FAM78B: variants seen among roughly 807,000 people sequenced by gnomAD.
FAM78B encodes family with sequence similarity 78 member B, also known as protein FAM78B.
In FAM78B, 10 loss-of-function variants were observed where a neutral mutation model predicts 20.0. The observed-to-expected ratio is 0.50, with a 90% confidence interval of 0.31 to 0.85. The LOEUF is 0.85. Among genes scored for constraint, FAM78B ranks in the 40% least tolerant of loss-of-function variants. FAM78B has a pLI of 0.05. For synonymous variants in FAM78B, 135 were observed against 132.8 expected (o/e 1.02, Z -0.12); for missense variants, 283 against 345.0 (o/e 0.82, Z 1.42).
chr1:166,074,097 A>C (rs1652163102), intron 1 of FAM78B, among the ~76,000 whole-genome samples: 1 of 152,172 alleles, frequency 6.6e-6, no homozygotes, highest in Admixed American at 6.5e-5. Context: ...CAAACATGCA[A>C]ATCTGATCAT....
chr1:166,107,356 A>G (rs56940744), intron 1 of FAM78B, among the ~76,000 whole-genome samples: 4,971 of 152,242 alleles, frequency 0.033, 248 homozygotes, highest in African/African-American at 0.11. Context: ...AAGATTATTC[A>G]GGGCTCTTAT....
rs555320874 is a variant in FAM78B, at chr1:166,134,022, C to G, written c.263+31964G>C. On this transcript the variant is annotated intron_variant, in intron 1 of 1. Coordinates refer to ENST00000354422, the MANE Select transcript of FAM78B (RefSeq NM_001017961.5). ...ACTGAGCCCAGACCTGCCTAACTCC[C>G]ACCGTATGTTCTCCCCACTACCTCC... is the stretch of plus-strand genomic sequence containing the variant. Among the ~76,000 whole-genome samples the G allele has an allele frequency of 2.6e-5, 4 of 152,318 alleles. No homozygotes were observed. The South Asian group carries it at 8.3e-4, about 32-fold the overall frequency.
intron 1 of FAM78B, 89 bp downstream of exon 1, chr1:166,165,897 A>G (rs1656355176): frequency 6.9e-7 from 1 of 1,459,704 alleles, no homozygotes; most frequent in African/African-American, 1.4e-5. Context: ...TGGGGACAGC[A>G]GTAGGAAGGA....
At chr1:166,165,891 G>C in intron 1 of FAM78B, 95 bp downstream of exon 1, 1 of 1,430,108 alleles carries the variant, frequency 7.0e-7, no homozygotes, top group Non-Finnish European at 9.7e-7. Flanking sequence ...AGACGATGGG[G>C]ACAGCAGTAG....
At chr1:166,060,745 G>A (rs1383448442) in intron 2 of FAM78B, 1 of 821,088 alleles carries the variant, frequency 1.2e-6, no homozygotes, top group East Asian at 6.6e-5. Context: ...AAAGCAGATG[G>A]TCATGATCTG....
chr1:166,123,249 T>C (rs1028056365), intron 1 of FAM78B, among the ~76,000 whole-genome samples: 1 of 152,216 alleles, frequency 6.6e-6, no homozygotes, highest in Non-Finnish European at 1.5e-5. Context: ...GGACCACCTG[T>C]AGCTGGTTCA....
intron 1 of FAM78B, among the ~76,000 whole-genome samples, chr1:166,117,845 GAC>G (rs1183207222): frequency 6.6e-6 from 1 of 152,186 alleles, no homozygotes; most frequent in East Asian, 1.9e-4. Flanking sequence ...GGTTCTAAAA[GAC>G]AGAGTCAGGA....
chr1:166,074,697 A>G (rs1652197729), intron 1 of FAM78B, among the ~76,000 whole-genome samples: 1 of 152,228 alleles, frequency 6.6e-6, no homozygotes, highest in Admixed American at 6.5e-5. Flanking sequence ...TTTAGAATCT[A>G]TTATTAGAAT....
At chr1:166,147,165 CAG>C (rs1284012937) in intron 1 of FAM78B, among the ~76,000 whole-genome samples, 1 of 152,120 alleles carries the variant, frequency 6.6e-6, no homozygotes, top group East Asian at 1.9e-4. Context: ...GCAGTGGACA[CAG>C]GGAGGGGAAA....
downstream of FAM78B, among the ~76,000 whole-genome samples, chr1:166,067,407 T>C (rs1475851822): frequency 1.3e-5 from 2 of 151,782 alleles, no homozygotes; most frequent in South Asian, 4.2e-4. Context: ...CCATGTGTTG[T>C]GTGTGTGTCT....
intron 1 of FAM78B, among the ~76,000 whole-genome samples, chr1:166,144,877 C>G (rs1047572646): frequency 1.3e-5 from 2 of 152,246 alleles, no homozygotes; most frequent in East Asian, 1.9e-4. Context: ...ACCCATCAAT[C>G]TTTCCATAAA....
intron 1 of FAM78B, among the ~76,000 whole-genome samples, chr1:166,101,183 C>A (rs1653499402): frequency 6.6e-6 from 1 of 152,114 alleles, no homozygotes; most frequent in Non-Finnish European, 1.5e-5. Context: ...ACACCAAAAC[C>A]CCATCTGTAC....
At chr1:166,141,312 T>C (rs1655268238) in intron 1 of FAM78B, among the ~76,000 whole-genome samples, 1 of 152,232 alleles carries the variant, frequency 6.6e-6, no homozygotes, top group Non-Finnish European at 1.5e-5. Context: ...GTGCCAACCC[T>C]GACCACACCA....
intron 1 of FAM78B, among the ~76,000 whole-genome samples, chr1:166,125,764 C>T (rs941356257): frequency 3.3e-5 from 5 of 151,932 alleles, no homozygotes; most frequent in Admixed American, 6.6e-5. Context: ...ACGATGTAAA[C>T]GCTATGTAAA....
intron 1 of FAM78B, among the ~76,000 whole-genome samples, chr1:166,138,405 C>T (rs1057111675): frequency 1.3e-5 from 2 of 152,208 alleles, no homozygotes; most frequent in East Asian, 1.9e-4. Context: ...CCCAGACCCC[C>T]ACCACAATGC....
intron 1 of FAM78B, among the ~76,000 whole-genome samples, chr1:166,148,673 C>T (rs10494454): frequency 0.023 from 3,571 of 152,240 alleles, 155 homozygotes; most frequent in African/African-American, 0.082. Flanking sequence ...GGGAACTCAA[C>T]GGAAATGAGA....
intron 1 of FAM78B, among the ~76,000 whole-genome samples, chr1:166,104,485 T>G (rs1476661395): frequency 1.3e-5 from 2 of 152,248 alleles, no homozygotes; most frequent in Non-Finnish European, 2.9e-5. Flanking sequence ...CTCCTTAAGC[T>G]GATAAGCAAC....
At chr1:166,145,659 T>C (rs1262951143) in intron 1 of FAM78B, among the ~76,000 whole-genome samples, 1 of 152,212 alleles carries the variant, frequency 6.6e-6, no homozygotes, top group African/African-American at 2.4e-5. Flanking sequence ...TAGTCTTGGA[T>C]CTGTAACTTA....
At chr1:166,061,250 G>A (rs957900953) in intron 2 of FAM78B, among the ~76,000 whole-genome samples, 1 of 152,198 alleles carries the variant, frequency 6.6e-6, no homozygotes, top group Non-Finnish European at 1.5e-5. Context: ...GTGAACTAAA[G>A]TTTTAAAATT....
Sources: gnomAD v4.1 joint callset for allele counts (sites outside exome capture counted in the v4.1 genomes callset) on GRCh38, gnomAD v4.1.1 for gene constraint, MANE v1.5 for transcripts, NCBI Gene and HGNC (gene_info 2026-07-23, HGNC 2026-07-21) for gene names.